The following CADM1 variants were observed in gnomAD, a reference collection of about 807,000 sequenced individuals.
The protein encoded by CADM1 is TSLC-1.
Under a neutral mutation model 53.1 loss-of-function variants are expected in CADM1, and 15 were observed. The ratio of observed to expected loss-of-function variants is 0.28; its 90% CI spans 0.19 to 0.44. The LOEUF (loss-of-function observed/expected upper bound fraction) is 0.44. CADM1 is among the 20% of genes least tolerant of loss of function. The probability of loss-of-function intolerance (pLI) is 1.00; values close to 1 mark genes in which losing one functional copy is unlikely to be tolerated. For synonymous variants in CADM1, 281 were observed against 243.0 expected, an observed-to-expected ratio of 1.16 and a Z score of -1.45; for missense variants, 434 against 611.3, an observed-to-expected ratio of 0.71 and a Z score of 3.06.
At chr11:115,316,763 C>T (rs552433694) in intron 1 of CADM1, among the ~76,000 whole-genome samples, 1 of 152,196 alleles carries the variant, frequency 6.6e-6, no homozygotes, top group South Asian at 2.1e-4. Flanking sequence ...AAAGATTTAG[C>T]ATATGAGACA....
intron 1 of CADM1, among the ~76,000 whole-genome samples, chr11:115,502,327 CTTTTTTTTTTTTTT>C (rs11358670): frequency 9.6e-5 from 5 of 52,348 alleles, no homozygotes; most frequent in African/African-American, 1.6e-4. Context: ...CGCCCCCCGG[CTTTTTTTTTTTTTT>C]TTTTTTTTTT....
chr11:115,296,688 T>G (rs1190878433), intron 1 of CADM1, among the ~76,000 whole-genome samples: 2 of 152,220 alleles, frequency 1.3e-5, no homozygotes, highest in African/African-American at 4.8e-5. Context: ...ATGAACTACA[T>G]AAATCCCTTT....
chr11:115,382,134 C>T (rs995445111), intron 1 of CADM1, among the ~76,000 whole-genome samples: 6 of 152,070 alleles, frequency 3.9e-5, no homozygotes, highest in East Asian at 1.9e-4. Context: ...CGTGAGCCAC[C>T]GTGTGTGGCA....
intron 1 of CADM1, among the ~76,000 whole-genome samples, chr11:115,421,455 C>A (rs1947754932): frequency 6.6e-6 from 1 of 152,224 alleles, no homozygotes; most frequent in Non-Finnish European, 1.5e-5. Context: ...TCAGCCACAC[C>A]TTTTCACAGT....
intron 1 of CADM1, among the ~76,000 whole-genome samples, chr11:115,404,785 G>A (rs533310531): frequency 4.4e-4 from 64 of 145,978 alleles, no homozygotes; most frequent in Admixed American, 1.4e-3. Flanking sequence ...TTGAGCCCCC[G>A]AGGTCAAGAC....
At chr11:115,268,004 G>T (rs1322825024) in intron 1 of CADM1, among the ~76,000 whole-genome samples, 1 of 152,186 alleles carries the variant, frequency 6.6e-6, no homozygotes, top group Non-Finnish European at 1.5e-5. Flanking sequence ...CCCAGGCTCA[G>T]AGAAGCAGTG....
At chr11:115,192,185 G>C (rs1006451695) in intron 9 of CADM1, among the ~76,000 whole-genome samples, 1 of 152,226 alleles carries the variant, frequency 6.6e-6, no homozygotes, top group Non-Finnish European at 1.5e-5. Context: ...TTTGTAAGTT[G>C]CTTTATAGAG....
At chr11:115,494,084 T>C (rs1428623378) in intron 1 of CADM1, among the ~76,000 whole-genome samples, 1 of 152,146 alleles carries the variant, frequency 6.6e-6, no homozygotes, top group Non-Finnish European at 1.5e-5. Context: ...TGCAATGTGC[T>C]TTCATGTGGC....
In CADM1 at chr11:115,171,984, A is replaced by C. The variant is rs1938805567; in HGVS notation, c.*4490T>G. On this transcript the variant is annotated 3_prime_UTR_variant, in exon 12 of 12. Transcript: ENST00000331581. ...AGTCACCATTTGCCTCTATCCTGTG[A>C]CTGACATGTAATGAACAAGTAGTGT... The C allele has an allele frequency of 6.6e-6, 1 of 152,190 alleles. No individual in the cohort carries two copies. The highest frequency in any genetic ancestry group is 1.5e-5 in the Non-Finnish European group (1 of 68,034). The allele number at this position is 152,190 out of a possible 1,614,324, so 9.4% of individuals were successfully genotyped here. A position where few individuals can be genotyped will look rare whatever the true frequency, so the allele number is the denominator to read the frequency against.
chr11:115,504,356 C>T lies in CADM1; in HGVS notation c.39G>A (p.Ala13=), dbSNP rs776600199. The T allele has an allele frequency of 3.2e-6, 5 of 1,548,538 alleles. No individual in the cohort carries two copies. The African/African-American group carries it at 4.1e-5, about 13-fold the overall frequency. Residue 13 remains alanine, a synonymous_variant, in exon 1 of 12, where the codon GCG becomes GCA. Transcript: ENST00000331581. ...GAGGCGCCGCCGCCGCCGCTGCCGC[C>T]GCACACTGGGATCCGCTCGGCAGCA... The part of the protein sequence containing the change: ...SVVLPSGSQC[A]AAAAAAAPPG...
chr11:115,178,832 C>T, intron 10 of CADM1, 57 bp from the exon 11 acceptor site: 2 of 1,593,092 alleles, frequency 1.3e-6, no homozygotes, highest in African/African-American at 2.7e-5. Context: ...CACCAGAAGC[C>T]CCGGCGACAC....
intron 1 of CADM1, among the ~76,000 whole-genome samples, chr11:115,325,023 C>A (rs1237554575): frequency 5.3e-5 from 8 of 152,178 alleles, no homozygotes; most frequent in African/African-American, 1.9e-4. Context: ...AGAGCTCAAC[C>A]GTGCCTATCA....
intron 1 of CADM1, among the ~76,000 whole-genome samples, chr11:115,473,048 T>C (rs936707568): frequency 5.3e-5 from 8 of 152,192 alleles, no homozygotes; most frequent in Non-Finnish European, 1.2e-4. Flanking sequence ...ACAAGTTTCA[T>C]AGTCAGAAAA....
chr11:115,402,337 A>C (rs1401118327), intron 1 of CADM1, among the ~76,000 whole-genome samples: 1 of 152,186 alleles, frequency 6.6e-6, no homozygotes. Context: ...AGCCTAGCCA[A>C]TATGGTGAAA....
intron 1 of CADM1, among the ~76,000 whole-genome samples, chr11:115,413,938 C>T (rs117005705): frequency 7.9e-5 from 12 of 152,106 alleles, no homozygotes; most frequent in Non-Finnish European, 1.6e-4. Context: ...CCACCACACC[C>T]GGCTCCAGTT....
intron 1 of CADM1, among the ~76,000 whole-genome samples, chr11:115,287,206 G>A (rs1270766275): frequency 6.6e-6 from 1 of 152,228 alleles, no homozygotes; most frequent in Non-Finnish European, 1.5e-5. Context: ...TTTTTCTTCT[G>A]AAGTTTATAC....
At chr11:115,445,741 G>A (rs1211673095) in intron 1 of CADM1, 2 of 451,156 alleles carry the variant, frequency 4.4e-6, no homozygotes, top group South Asian at 1.6e-5. Flanking sequence ...CTACTTGAGA[G>A]GCTGAGGTAG....
intron 9 of CADM1, among the ~76,000 whole-genome samples, chr11:115,196,829 C>A (rs1024260978): frequency 1.5e-4 from 23 of 152,082 alleles, no homozygotes; most frequent in Admixed American, 2.6e-4. Context: ...ATCTCTCTAA[C>A]TACATTAAAA....
intron 1 of CADM1, among the ~76,000 whole-genome samples, chr11:115,486,586 C>T (rs1591296387): frequency 2.0e-5 from 3 of 152,104 alleles, no homozygotes; most frequent in Non-Finnish European, 4.4e-5. Flanking sequence ...CTCAAGCAAT[C>T]CTCCCACCTA....
Sources: allele counts gnomAD v4.1 joint callset (sites outside exome capture counted in the v4.1 genomes callset), GRCh38; gene constraint gnomAD v4.1.1; transcripts MANE v1.5; gene names NCBI Gene and HGNC (gene_info 2026-07-23, HGNC 2026-07-21).